The following NOS1 variants were observed in gnomAD, a reference collection of about 807,000 sequenced individuals.
The protein encoded by NOS1 is nitric oxide synthase 1.
A neutral mutation model predicts 164.5 loss-of-function variants in NOS1; 51 were observed. The observed-to-expected ratio is 0.31, with a 90% CI of 0.25 to 0.39. The LOEUF (loss-of-function observed/expected upper bound fraction) is 0.39, where lower values mean the gene tolerates loss of function less well. Ranked by LOEUF, NOS1 falls within the 10% of genes least tolerant of loss-of-function variation. NOS1 has a pLI of 1.00. For missense variants in NOS1, 1,362 were observed against 1,885.6 expected, an observed-to-expected ratio of 0.72 and a Z score of 5.14; for synonymous variants, 719 against 745.8, an observed-to-expected ratio of 0.96 and a Z score of 0.59.
chr12:117,220,997 C>T (rs1045153838), intron 26 of NOS1, among the ~76,000 whole-genome samples: 3 of 151,866 alleles, frequency 2.0e-5, no homozygotes, highest in African/African-American at 7.3e-5. Flanking sequence ...TCTCTGAGTG[C>T]CCCCCCAACC....
chr12:117,357,432 A>C (rs1186537535), intron 1 of NOS1, among the ~76,000 whole-genome samples: 2 of 152,252 alleles, frequency 1.3e-5, no homozygotes, highest in Non-Finnish European at 2.9e-5. Flanking sequence ...AATTTCTTTA[A>C]AGTCCGGCAT....
chr12:117,360,633 G>A (rs1028637640), intron 1 of NOS1, among the ~76,000 whole-genome samples: 1 of 152,206 alleles, frequency 6.6e-6, no homozygotes, highest in Non-Finnish European at 1.5e-5. Flanking sequence ...AGGCCAGGCC[G>A]GAGCGATGTT....
chr12:117,215,802 G>T (rs1381629503), intron 28 of NOS1, among the ~76,000 whole-genome samples: 1 of 150,184 alleles, frequency 6.7e-6, no homozygotes, highest in African/African-American at 2.4e-5. Flanking sequence ...GGCTTGTTTT[G>T]AAAGAATGAA....
chr12:117,211,387 G>C lies in NOS1; in HGVS notation c.*3922C>G. The C allele has an allele frequency of 1.0e-6, 1 of 985,400 alleles. No individual in the cohort carries two copies. The highest frequency in any genetic ancestry group is 1.2e-6 in the Non-Finnish European group (1 of 829,998). 61.0% of individuals were successfully genotyped at this position (985,400 alleles called of 1,614,324 possible). A position where few individuals can be genotyped will look rare whatever the true frequency, so the allele number is the denominator to read the frequency against. On this transcript the variant is annotated 3_prime_UTR_variant, in exon 29 of 29. Transcript: ENST00000317775. ...TTCCCTCACTCAAGCCTTGGTTGCA[G>C]CAATAACCCCCCCAACAGCTCAACG... is the stretch of plus-strand genomic sequence containing the variant.
intron 1 of NOS1, among the ~76,000 whole-genome samples, chr12:117,340,326 G>GT (rs1289666024): frequency 3.3e-5 from 5 of 152,070 alleles, no homozygotes; most frequent in African/African-American, 1.2e-4. Context: ...TTTTAACAAT[G>GT]TTTTTTGCAT....
intron 7 of NOS1, among the ~76,000 whole-genome samples, chr12:117,282,228 A>G (rs75131975): frequency 1.3e-5 from 2 of 151,774 alleles, no homozygotes; most frequent in Admixed American, 1.3e-4. Flanking sequence ...AAAAAAAAAA[A>G]GGAAAGGAAA....
intron 3 of NOS1, among the ~76,000 whole-genome samples, 173 bp downstream of exon 3, chr12:117,311,293 C>T (rs989488686): frequency 1.3e-5 from 2 of 152,060 alleles, no homozygotes; most frequent in African/African-American, 4.8e-5. Context: ...AGTCGAGATC[C>T]ACATCCGAGG....
intron 9 of NOS1, 94 bp downstream of exon 9, chr12:117,277,865 G>T: frequency 7.0e-7 from 1 of 1,421,886 alleles, no homozygotes; most frequent in Non-Finnish European, 9.6e-7. Flanking sequence ...CTTCGGTCTG[G>T]ACTAGAAAGA....
intron 7 of NOS1, among the ~76,000 whole-genome samples, chr12:117,282,086 G>C (rs769802015): frequency 1.3e-5 from 2 of 152,138 alleles, no homozygotes; most frequent in Non-Finnish European, 1.5e-5. Context: ...ATTGTGGAAA[G>C]ATGTTGTCTG....
intron 20 of NOS1, among the ~76,000 whole-genome samples, chr12:117,238,568 G>A (rs1387223249): frequency 6.6e-6 from 1 of 151,866 alleles, no homozygotes; most frequent in Non-Finnish European, 1.5e-5. Flanking sequence ...CCAGGCTGGA[G>A]GGCAGTGGTG....
chr12:117,310,996 G>T (rs765990510), intron 3 of NOS1, among the ~76,000 whole-genome samples: 5 of 152,040 alleles, frequency 3.3e-5, no homozygotes, highest in Non-Finnish European at 5.9e-5. Context: ...CTCCTGAGTA[G>T]CTGGGACTAC....
chr12:117,313,787 C>T (rs1178737984), intron 2 of NOS1, among the ~76,000 whole-genome samples: 10 of 152,230 alleles, frequency 6.6e-5, no homozygotes, highest in Non-Finnish European at 1.5e-5. Flanking sequence ...TCTCTGAATA[C>T]TGCCCTCCTA....
intron 1 of NOS1, among the ~76,000 whole-genome samples, chr12:117,340,334 C>A (rs796935967): frequency 3.3e-5 from 5 of 152,164 alleles, no homozygotes; most frequent in African/African-American, 1.2e-4. Flanking sequence ...ATGTTTTTTG[C>A]ATCAATTTTA....
At chr12:117,333,787 G>A (rs1875667576) in intron 1 of NOS1, among the ~76,000 whole-genome samples, 1 of 152,126 alleles carries the variant, frequency 6.6e-6, no homozygotes, top group South Asian at 2.1e-4. Context: ...TTGCTGCTGG[G>A]TTCTGGTTTG....
rs190602854 is a variant in NOS1, at chr12:117,301,310, T to C, written c.852+10156A>G. On this transcript the variant is annotated intron_variant, in intron 3 of 28. Coordinates refer to ENST00000317775, the MANE Select transcript of NOS1 (RefSeq NM_000620.5). ...ACCTGGCTAATATTTTTTGTATTTT[T>C]AGTAGAAACGGTTTCACCATGTTGG... 9.8e-4 allele frequency among the ~76,000 whole-genome samples: 145 copies of C among 147,590 alleles called. 4 individuals are homozygous for C. In the East Asian group the frequency reaches 0.031, roughly 32 times the overall value.
At position 117,213,953 on chromosome 12, in the gene NOS1, C is replaced by G; in HGVS notation, c.*1356G>C. 1.0e-6 allele frequency: 1 copy of G among 985,370 alleles called. No homozygotes were observed. The highest frequency in any genetic ancestry group is 1.2e-6 in the Non-Finnish European group (1 of 829,936). The allele number at this position is 985,370 out of a possible 1,614,324, so 61.0% of individuals were successfully genotyped here. On this transcript the variant is annotated 3_prime_UTR_variant, in exon 29 of 29. Coordinates refer to ENST00000317775, the MANE Select transcript of NOS1 (RefSeq NM_000620.5). ...CAATTCCTACCGAAGACTTGGCTGC[C>G]CATTTTTGATCTGAGTTGAGGGTAA...
intron 5 of NOS1, 60 bp from the exon 6 acceptor site, chr12:117,286,326 G>A: frequency 6.4e-7 from 1 of 1,569,736 alleles, no homozygotes. Context: ...GAAGTTAGTG[G>A]AAGGGGAGAG....
At chr12:117,289,701 T>A (rs1872922114) in intron 4 of NOS1, among the ~76,000 whole-genome samples, 1 of 152,162 alleles carries the variant, frequency 6.6e-6, no homozygotes, top group Non-Finnish European at 1.5e-5. Flanking sequence ...TTTAAGGGTT[T>A]AGGGTGGTAG....
chr12:117,287,041 T>A (rs1031692839), intron 5 of NOS1, among the ~76,000 whole-genome samples: 3 of 152,074 alleles, frequency 2.0e-5, no homozygotes, highest in Non-Finnish European at 4.4e-5. Flanking sequence ...ATGGCAAAAC[T>A]CTGTCTCTAC....
Sources: gnomAD v4.1 joint callset for allele counts (sites outside exome capture counted in the v4.1 genomes callset) on GRCh38, gnomAD v4.1.1 for gene constraint, MANE v1.5 for transcripts, NCBI Gene and HGNC (gene_info 2026-07-23, HGNC 2026-07-21) for gene names.